The following OLR1 variants were observed in gnomAD, a reference collection of about 807,000 sequenced individuals.
OLR1 encodes oxidized low density lipoprotein receptor 1.
OLR1 carries 23 observed loss-of-function variants against 31.7 expected under a neutral mutation model. The ratio of observed to expected loss-of-function variants is 0.72; its 90% confidence interval spans 0.52 to 1.03. The LOEUF (loss-of-function observed/expected upper bound fraction) is 1.03. Among genes scored for constraint, OLR1 ranks in the 50% least tolerant of loss-of-function variants. OLR1 has a pLI of 0.00. For missense variants in OLR1, 286 were observed against 315.7 expected (o/e 0.91, Z 0.71); for synonymous variants, 117 against 115.8 (o/e 1.01, Z -0.07).
At position 10,158,525 on chromosome 12, in the gene OLR1, A is replaced by C. The variant is rs1187487019; in HGVS notation, c.*1355T>G. 1 of 152,190 alleles carries C rather than the reference A, an allele frequency of 6.6e-6. No homozygotes were observed. The highest frequency in any genetic ancestry group is 1.5e-5 in the Non-Finnish European group (1 of 68,028). The allele number at this position is 152,190 out of a possible 1,614,324, so 9.4% of individuals were successfully genotyped here. A position where few individuals can be genotyped will look rare whatever the true frequency, so the allele number is the denominator to read the frequency against. On this transcript the variant is annotated 3_prime_UTR_variant, in exon 6 of 6. Coordinates refer to ENST00000309539, the MANE Select transcript of OLR1 (RefSeq NM_002543.4). The stretch of plus-strand genomic sequence containing the variant: ...CAGACAAAAAAAAAAGACATACTAT[A>C]TGATTCCATTCACATAAAACTACAA...
chr12:10,165,168 CAGG>C (rs1283269456), intron 3 of OLR1, among the ~76,000 whole-genome samples: 1 of 152,152 alleles, frequency 6.6e-6, no homozygotes, highest in East Asian at 1.9e-4. Context: ...GAGGCTGAGG[CAGG>C]AGAATCCCTC....
chr12:10,173,238 G>A (rs1269822930), upstream of OLR1, among the ~76,000 whole-genome samples: 1 of 152,050 alleles, frequency 6.6e-6, no homozygotes, highest in Non-Finnish European at 1.5e-5. Context: ...TATTAGAGAT[G>A]TCTTCTGAAG....
rs569053104 is a variant in OLR1 at position 10,167,614 on chromosome 12, G to A, written c.179-657C>T. On this transcript the variant is annotated intron_variant, in intron 2 of 5. Transcript: ENST00000309539. ...ACTATTAGTAGGAAATGTCATTAGC[G>A]ATTTACTCTATTTATGTCTCAATTC... 3.4e-4 allele frequency: 52 copies of A among 152,190 alleles called. 1 individual carries two copies. Among genetic ancestry groups the A allele is most frequent in the African/African-American group, 1.1e-3 (46 of 41,510 alleles). 9.4% of individuals were successfully genotyped at this position (152,190 alleles called of 1,614,324 possible). A position where few individuals can be genotyped will look rare whatever the true frequency, so the allele number is the denominator to read the frequency against.
upstream of OLR1, among the ~76,000 whole-genome samples, chr12:10,174,215 C>A (rs1948749733): frequency 6.6e-6 from 1 of 152,034 alleles, no homozygotes; most frequent in African/African-American, 2.4e-5. Flanking sequence ...TGCCCGCCAC[C>A]CCTCCCGGCT....
At chr12:10,163,120 A>G (rs1410685218) in intron 3 of OLR1, among the ~76,000 whole-genome samples, 1 of 152,204 alleles carries the variant, frequency 6.6e-6, no homozygotes, top group African/African-American at 2.4e-5. Context: ...GAAGTACTGT[A>G]CAGGTATTAA....
rs4237962 is a variant in OLR1, at chr12:10,159,729, T to A, written c.*151A>T. 631,951 of 632,814 alleles carry A rather than the reference T, an allele frequency of 1. 315,546 individuals carry two copies. The highest frequency in any genetic ancestry group is 1 in the East Asian group (36,200 of 36,200). The allele number at this position is 632,814 out of a possible 1,614,324, so 39.2% of individuals were successfully genotyped here. ...AAATGTTGACATAAAGGTGCCAGGC[T>A]CCTGGAACCCCAGTTTCTGCAAAGG... On this transcript the variant is annotated 3_prime_UTR_variant, in exon 6 of 6. Transcript: ENST00000309539.
upstream of OLR1, among the ~76,000 whole-genome samples, chr12:10,173,920 A>C (rs945298555): frequency 3.9e-5 from 6 of 152,188 alleles, no homozygotes; most frequent in African/African-American, 1.2e-4. Context: ...TGTACTGTTC[A>C]GTGGCATTAA....
intron 3 of OLR1, among the ~76,000 whole-genome samples, chr12:10,163,390 G>A (rs952063079): frequency 1.3e-5 from 2 of 152,238 alleles, no homozygotes; most frequent in African/African-American, 4.8e-5. Flanking sequence ...ATACAGTAAA[G>A]TTTGAGAATC....
At chr12:10,173,550 G>GA (rs1565424159), upstream of OLR1, among the ~76,000 whole-genome samples, 2 of 146,796 alleles carry the variant, frequency 1.4e-5, no homozygotes, top group African/African-American at 5.4e-5. Context: ...GAAGCTGAGG[G>GA]GGGGGGTGGA....
In OLR1 at chr12:10,172,123, T is replaced by G; in HGVS notation, c.-46A>C. 1 of 1,356,952 alleles carries G rather than the reference T, an allele frequency of 7.4e-7. No individual in the cohort carries two copies. The allele number at this position is 1,356,952 out of a possible 1,614,324, so 84.1% of individuals were successfully genotyped here. On this transcript the variant is annotated 5_prime_UTR_variant, in exon 1 of 6. Transcript: ENST00000309539. ...TGAGAGAGTGAAGCAGTCACGAACT[T>G]CAACAAACTAAAAATATGTGAGCTT...
In OLR1 at chr12:10,169,206, C is replaced by A. The variant is rs1311478620; in HGVS notation, c.77-31G>T. On this transcript the variant is annotated intron_variant, in intron 1 of 5. Transcript: ENST00000309539. ...GTGACAGAGGATAGAATCAGAAAGA[C>A]AAAAAAGAGTGAACAAGTAAGCAAA... 6.6e-6 allele frequency: 10 copies of A among 1,511,692 alleles called. No individual in the cohort carries two copies. The Admixed American group carries it at 7.6e-5, about 11-fold the overall frequency. The allele number at this position is 1,511,692 out of a possible 1,614,324, so 93.6% of individuals were successfully genotyped here. A position where few individuals can be genotyped will look rare whatever the true frequency, so the allele number is the denominator to read the frequency against.
chr12:10,161,510 T>C (rs903562127), intron 3 of OLR1, among the ~76,000 whole-genome samples: 1 of 152,216 alleles, frequency 6.6e-6, no homozygotes, highest in Non-Finnish European at 1.5e-5. Flanking sequence ...AGACATGTGT[T>C]GTCTAATACA....
At position 10,159,189 on chromosome 12, in the gene OLR1, A is replaced by C. The variant is rs1380944468; in HGVS notation, c.*691T>G. 3.3e-5 allele frequency: 5 copies of C among 152,212 alleles called. No individual in the cohort carries two copies. The highest frequency in any genetic ancestry group is 7.3e-5 in the Non-Finnish European group (5 of 68,044). 9.4% of individuals were successfully genotyped at this position (152,212 alleles called of 1,614,324 possible). A position where few individuals can be genotyped will look rare whatever the true frequency, so the allele number is the denominator to read the frequency against. Reference sequence around the variant, plus strand: ...CTGGTAGAAAAAAAAATGAAGAAATAATAACTGATTCAGGAAGTGGTAACA... The same window carrying C: ...CTGGTAGAAAAAAAAATGAAGAAATCATAACTGATTCAGGAAGTGGTAACA... On this transcript the variant is annotated 3_prime_UTR_variant, in exon 6 of 6. Coordinates refer to ENST00000309539, the MANE Select transcript of OLR1 (RefSeq NM_002543.4).
chr12:10,160,103 A>T, intron 5 of OLR1, 82 bp from the exon 6 acceptor site: 1 of 1,464,392 alleles, frequency 6.8e-7, no homozygotes. Flanking sequence ...AGCTTTTGAA[A>T]CTTTTTGTCT....
upstream of OLR1, among the ~76,000 whole-genome samples, chr12:10,172,668 T>C (rs770085907): frequency 6.6e-6 from 1 of 152,222 alleles, no homozygotes; most frequent in East Asian, 1.9e-4. Context: ...GGGCTACTAG[T>C]TCATGCAGTG....
Position 10,166,805 on chromosome 12 carries a change from G to C in OLR1, c.331C>G (p.Arg111Gly). 2 of 1,613,766 alleles carry C rather than the reference G, an allele frequency of 1.2e-6. No homozygotes were observed. Among genetic ancestry groups the C allele is most frequent in the Non-Finnish European group, 1.7e-6 (2 of 1,179,988 alleles). The part of the protein sequence containing the change: ...ELKEMIETLA[R>G]KLNEKSKEQM... The stretch of plus-strand genomic sequence containing the variant: ...TCTTTGGATTTCTCATTCAGCTTCC[G>C]AGCAAGGGTTTCTATCATTTCCTTG... Residue 111 changes from arginine (R) to glycine (G), a missense_variant, in exon 3 of 6, where the codon CGG (arginine) becomes GGG (glycine). Transcript: ENST00000309539.
At chr12:10,162,503 T>C (rs1171800911) in intron 3 of OLR1, among the ~76,000 whole-genome samples, 2 of 152,210 alleles carry the variant, frequency 1.3e-5, no homozygotes, top group African/African-American at 4.8e-5. Context: ...TTAGTTTGCC[T>C]AACCCCATCA....
chr12:10,173,777 A>G (rs1201912625), upstream of OLR1, among the ~76,000 whole-genome samples: 1 of 151,944 alleles, frequency 6.6e-6, no homozygotes, highest in African/African-American at 2.4e-5. Flanking sequence ...AAAAAAAAAA[A>G]AAAAGAATTA....
In OLR1 at chr12:10,160,853, T is replaced by C. The variant is rs201129982; in HGVS notation, c.497A>G (p.Glu166Gly). 4.3e-6 allele frequency: 7 copies of C among 1,614,080 alleles called. No homozygotes were observed. In the Admixed American group the frequency reaches 1.0e-4, roughly 23 times the overall value. ...AGACAAGCACTTCTCTTGGCTCTTT[T>C]CCCAGTTAAATGAGCCCGAGGAAAA... The part of the protein sequence containing the change: ...YLFSSGSFNW[E>G]KSQEKCLSLD... The change falls in exon 4 of 6, where the codon GAA (glutamate) becomes GGA (glycine). Residue 166 changes from glutamate (E) to glycine (G), a missense_variant. By Grantham distance (98) the Glu-to-Gly change is moderately conservative. Transcript: ENST00000309539.
Sources: allele counts gnomAD v4.1 joint callset (sites outside exome capture counted in the v4.1 genomes callset), GRCh38; gene constraint gnomAD v4.1.1; transcripts MANE v1.5; gene names NCBI Gene and HGNC (gene_info 2026-07-23, HGNC 2026-07-21).